The following ASPG variants were observed in gnomAD, a reference collection of about 807,000 sequenced individuals.
ASPG encodes 60 kDa lysophospholipase.
Under a neutral mutation model 63.2 loss-of-function variants are expected in ASPG, and 53 were observed. The observed-to-expected ratio is 0.84, with a 90% CI of 0.67 to 1.05. The LOEUF (loss-of-function observed/expected upper bound fraction) is 1.05, where lower values mean the gene tolerates loss of function less well. Among genes scored for constraint, ASPG ranks in the 50% least tolerant of loss-of-function variants. ASPG has a pLI of 0.00. For missense variants in ASPG, 741 were observed against 794.4 expected (o/e 0.93, Z 0.81); for synonymous variants, 370 against 355.0 (o/e 1.04, Z -0.48).
In ASPG at chr14:104,091,500, C is replaced by T. The variant is rs756855099; in HGVS notation, c.83-1133C>T. ...TCCTCTGGCAAACGTCCCCGGGGCT[C>T]CACAGGCCTTTGTGTAAGGCCAGAG... is the stretch of plus-strand genomic sequence containing the variant. On this transcript the variant is annotated intron_variant, in intron 1 of 15. Coordinates refer to ENST00000551177, the MANE Select transcript of ASPG (RefSeq NM_001080464.3). This position sits in a 1 kb window ranked among gnomAD's most constrained non-coding sequence, Gnocchi z 6.4. 1.3e-5 allele frequency among the ~76,000 whole-genome samples: 2 copies of T among 152,134 alleles called. No individual in the cohort carries two copies. Among genetic ancestry groups the T allele is most frequent in the Non-Finnish European group, 2.9e-5 (2 of 68,040 alleles).
At chr14:104,111,330 C>T (rs2037374966) in intron 13 of ASPG, among the ~76,000 whole-genome samples, 172 bp from the exon 14 acceptor site, 2 of 152,214 alleles carry the variant, frequency 1.3e-5, no homozygotes, top group African/African-American at 4.8e-5. Flanking sequence ...AACCAGGCTC[C>T]AGGCTGCCCG....
intron 13 of ASPG, chr14:104,111,242 C>T: frequency 1.1e-6 from 1 of 939,384 alleles, no homozygotes; most frequent in South Asian, 4.9e-5. Flanking sequence ...GCTGTGTATG[C>T]TGCTGTGTGT....
chr14:104,097,319 G>A (rs1394589679), intron 4 of ASPG, among the ~76,000 whole-genome samples: 1 of 152,156 alleles, frequency 6.6e-6, no homozygotes, highest in African/African-American at 2.4e-5. Context: ...TGCAGGGACA[G>A]CTGTTGTTGG....
intron 1 of ASPG, among the ~76,000 whole-genome samples, chr14:104,090,355 C>T (rs2036331711): frequency 6.6e-6 from 1 of 152,206 alleles, no homozygotes; most frequent in Non-Finnish European, 1.5e-5. Flanking sequence ...CAGATATGCC[C>T]CCTCCACCTT....
chr14:104,102,655 C>T (rs1566834667), intron 6 of ASPG, among the ~76,000 whole-genome samples: 1 of 152,192 alleles, frequency 6.6e-6, no homozygotes, highest in African/African-American at 2.4e-5. Context: ...AGGGAATGGA[C>T]CTCAGCCTTG....
chr14:104,111,486 C>T lies in ASPG; in HGVS notation c.1521-16C>T. On this transcript the variant is annotated splice_polypyrimidine_tract_variant and intron_variant, in intron 13 of 15. Coordinates refer to ENST00000551177, the MANE Select transcript of ASPG (RefSeq NM_001080464.3). ...CCAGCAGGCCCCAACAACTCCTCCT[C>T]TGCCCCCACCCCCAGGCTGGCATAC... is the stretch of plus-strand genomic sequence containing the variant. The T allele has an allele frequency of 1.9e-6, 3 of 1,547,316 alleles. No homozygotes were observed. In the South Asian group the frequency reaches 3.6e-5, roughly 18 times the overall value.
At chr14:104,097,826 A>C (rs148973607) in intron 5 of ASPG, among the ~76,000 whole-genome samples, 189 bp downstream of exon 5, 3 of 148,990 alleles carry the variant, frequency 2.0e-5, no homozygotes, top group Admixed American at 6.7e-5. Flanking sequence ...CGTTAGAGAT[A>C]CGTATGGAGG....
chr14:104,104,193 A>G (rs2037011317), intron 7 of ASPG, 111 bp from the exon 8 acceptor site: 1 of 1,261,056 alleles, frequency 7.9e-7, no homozygotes, highest in Non-Finnish European at 1.1e-6. Context: ...CAGAGCAGGC[A>G]CCAGCTGCCC....
In ASPG at chr14:104,098,890, A is replaced by G; in HGVS notation, c.551A>G (p.Asn184Ser). 6.2e-7 allele frequency: 1 copy of G among 1,612,918 alleles called. No homozygotes were observed. The highest frequency in any genetic ancestry group is 1.3e-5 in the African/African-American group (1 of 75,066). ...LFFQNQLFRG[N>S]RATKVDARRF... Reference sequence around the variant, plus strand: ...TTCCAGAATCAGCTGTTTCGGGGCAACCGGGCAACCAAGGTAGACGCTCGG... The same window carrying G: ...TTCCAGAATCAGCTGTTTCGGGGCAGCCGGGCAACCAAGGTAGACGCTCGG... The change falls in exon 6 of 16, where the codon AAC (asparagine) becomes AGC (serine). Residue 184 changes from asparagine to serine, a missense_variant. Transcript: ENST00000551177.
Position 104,109,922 on chromosome 14 carries a change from T to TGGGGAGACTGAGGCGC in ASPG, c.1520+608_1520+623dup. ...AGGCCTTCTGACATCATGTTGTTGT[T>TGGGGAGACTGAGGCGC]GGGGAGACTGAGGCGCAGGGAGGCC... On this transcript the variant is annotated intron_variant, in intron 13 of 15. Coordinates refer to ENST00000551177, the MANE Select transcript of ASPG (RefSeq NM_001080464.3). This position sits in a 1 kb window ranked among gnomAD's most constrained non-coding sequence, Gnocchi z 4.8. 2 of 981,188 alleles carry TGGGGAGACTGAGGCGC rather than the reference T, an allele frequency of 2.0e-6. No homozygotes were observed. The highest frequency in any genetic ancestry group is 2.4e-6 in the Non-Finnish European group (2 of 826,518). The allele number at this position is 981,188 out of a possible 1,614,324, so 60.8% of individuals were successfully genotyped here.
chr14:104,104,226 G>T, intron 7 of ASPG, 78 bp from the exon 8 acceptor site: 1 of 1,471,734 alleles, frequency 6.8e-7, no homozygotes, highest in South Asian at 1.3e-5. Flanking sequence ...CCCTCTCCTT[G>T]GGAGGGCATG....
chr14:104,098,747 C>A, intron 5 of ASPG, 106 bp from the exon 6 acceptor site: 2 of 1,517,626 alleles, frequency 1.3e-6, no homozygotes, highest in South Asian at 1.2e-5. Flanking sequence ...AGTCCCACCT[C>A]CCCCTGGGTC....
chr14:104,095,494 A>G, intron 3 of ASPG, 37 bp from the exon 4 acceptor site: 1 of 1,610,836 alleles, frequency 6.2e-7, no homozygotes, highest in East Asian at 2.2e-5. Context: ...CCTGCTTGCG[A>G]GGGGCTGGCC....
intron 5 of ASPG, 81 bp downstream of exon 5, chr14:104,097,718 C>G: frequency 7.5e-7 from 1 of 1,331,918 alleles, no homozygotes. Context: ...CAAAGTCCCC[C>G]CAGCCCCTCC....
rs116374868 is a variant in ASPG, at chr14:104,108,439, G to A, written c.1434-790G>A. 2,637 of 985,388 alleles carry A rather than the reference G, an allele frequency of 2.7e-3. 67 individuals are homozygous for A. In the African/African-American group the frequency reaches 0.043, roughly 16 times the overall value. 61.0% of individuals were successfully genotyped at this position (985,388 alleles called of 1,614,324 possible). ...CGCCCCCAACCGGTCTCCCAGCCTC[G>A]CTCCGCTGCCAGGCTCCCTGAGGCC... On this transcript the variant is annotated intron_variant, in intron 12 of 15. Coordinates refer to ENST00000551177, the MANE Select transcript of ASPG (RefSeq NM_001080464.3).
chr14:104,112,567 A>G lies in ASPG; in HGVS notation c.*23A>G, dbSNP rs781761711. 2 of 1,609,618 alleles carry G rather than the reference A, an allele frequency of 1.2e-6. No homozygotes were observed. The highest frequency in any genetic ancestry group is 1.7e-6 in the Non-Finnish European group (2 of 1,178,430). On this transcript the variant is annotated 3_prime_UTR_variant, in exon 16 of 16. Coordinates refer to ENST00000551177, the MANE Select transcript of ASPG (RefSeq NM_001080464.3). ...TAACCTGAAGGCGTCCTGCTGCAGT[A>G]TAAGCCATTCCTTCCTCCCATGACC...
At chr14:104,108,669 C>T (rs1337848531) in intron 12 of ASPG, 10 of 985,340 alleles carry the variant, frequency 1.0e-5, no homozygotes, top group South Asian at 4.7e-5. Flanking sequence ...GCCTCTGCTC[C>T]TCCTTGCTAG....
Position 104,105,349 on chromosome 14 carries a change from G to C in ASPG, c.1072G>C (p.Gly358Arg). 5 of 1,612,618 alleles carry C rather than the reference G, an allele frequency of 3.1e-6. No homozygotes were observed. Among genetic ancestry groups the C allele is most frequent in the Non-Finnish European group, 4.2e-6 (5 of 1,179,764 alleles). The change falls in exon 10 of 16, where the codon GGG becomes CGG. Residue 358 changes from glycine to arginine, a missense_variant. Transcript: ENST00000551177. The stretch of plus-strand genomic sequence containing the variant: ...CCAGCTGCTGACCAAGGACCTTCGG[G>C]GGGAGATGACGCCACCCTCGGTGGA... The part of the protein sequence containing the change: ...RKELLTKDLR[G>R]EMTPPSVEER...
Position 104,111,568 on chromosome 14 carries a change from G to C in ASPG, c.1587G>C (p.Gln529His). The C allele has an allele frequency of 6.4e-7, 1 of 1,551,680 alleles. No individual in the cohort carries two copies. The highest frequency in any genetic ancestry group is 8.7e-7 in the Non-Finnish European group (1 of 1,147,620). ...GGCAGGCAGGGGCTGACCTGGGGCA[G>C]CCGGGCTATGACGGGCACAGCGCCC... is the stretch of plus-strand genomic sequence containing the variant. Reference protein sequence around the residue: ...VWWQAGADLGQPGYDGHSALH... With the variant: ...VWWQAGADLGHPGYDGHSALH... The change falls in exon 14 of 16, where the codon CAG becomes CAC. Residue 529 changes from glutamine (Q) to histidine (H), a missense_variant. By Grantham distance (24) the Gln-to-His change is conservative (BLOSUM62 0). Transcript: ENST00000551177.
Sources: gnomAD v4.1 joint callset for allele counts (sites outside exome capture counted in the v4.1 genomes callset) on GRCh38, gnomAD v4.1.1 for gene constraint, Gnocchi (gnomAD v3.1) non-coding constraint, MANE v1.5 for transcripts, NCBI Gene and HGNC (gene_info 2026-07-23, HGNC 2026-07-21) for gene names.